The following ZFYVE9 variants were observed in gnomAD, a reference collection of about 807,000 sequenced individuals.
The protein encoded by ZFYVE9 is zinc finger FYVE-type containing 9, also known as zinc finger FYVE domain-containing protein 9.
ZFYVE9 carries 43 observed loss-of-function variants against 126.7 expected under a neutral mutation model. The observed-to-expected ratio is 0.34, with a 90% CI of 0.27 to 0.44. The LOEUF (loss-of-function observed/expected upper bound fraction) is 0.44. Ranked by LOEUF, ZFYVE9 falls within the 20% of genes least tolerant of loss-of-function variation. The pLI is 1.00. For missense variants in ZFYVE9, 1,476 were observed against 1,697.0 expected, an observed-to-expected ratio of 0.87 and a Z score of 2.29; for synonymous variants, 521 against 597.4, an observed-to-expected ratio of 0.87 and a Z score of 1.87.
intron 4 of ZFYVE9, among the ~76,000 whole-genome samples, chr1:52,241,170 G>T (rs1275025351): frequency 6.6e-6 from 1 of 152,048 alleles, no homozygotes; most frequent in Non-Finnish European, 1.5e-5. Context: ...ACATCATGTT[G>T]TATACCTTAA....
intron 7 of ZFYVE9, among the ~76,000 whole-genome samples, chr1:52,272,671 A>ATTTTTTTTTTTTT (rs1645704660): frequency 2.2e-5 from 3 of 134,844 alleles, no homozygotes; most frequent in African/African-American, 1.0e-4. Context: ...GCTAGAAATA[A>ATTTTTTTTTTTTT]TCTTTTTTTT....
At chr1:52,338,061 A>T (rs1274756342) in intron 16 of ZFYVE9, 127 bp downstream of exon 16, 7 of 1,194,704 alleles carry the variant, frequency 5.9e-6, no homozygotes, top group Admixed American at 5.8e-5. Flanking sequence ...ACTGCTTTGT[A>T]TGCTTAACGT....
chr1:52,229,751 G>A (rs886297537), intron 2 of ZFYVE9, among the ~76,000 whole-genome samples: 2 of 152,160 alleles, frequency 1.3e-5, no homozygotes. Context: ...ACACTGATGT[G>A]TATTTATAGA....
intron 8 of ZFYVE9, among the ~76,000 whole-genome samples, chr1:52,275,109 AT>A (rs1195812276): frequency 1.3e-5 from 2 of 152,172 alleles, no homozygotes; most frequent in Non-Finnish European, 2.9e-5. Flanking sequence ...TTTAACTTTT[AT>A]TTTAGATTCA....
chr1:52,148,947 A>AT (rs56300233), intron 1 of ZFYVE9, among the ~76,000 whole-genome samples: 1,038 of 34,282 alleles, frequency 0.03, 233 homozygotes, highest in Non-Finnish European at 0.039. Flanking sequence ...CCTTAACATG[A>AT]TTTTTTTTTT....
chr1:52,324,019 A>G (rs1646266532), intron 13 of ZFYVE9, among the ~76,000 whole-genome samples: 1 of 151,412 alleles, frequency 6.6e-6, no homozygotes, highest in South Asian at 2.1e-4. Flanking sequence ...AGATTGTGCC[A>G]TTGCACTCCA....
chr1:52,341,330 C>T (rs1055804101), intron 17 of ZFYVE9, among the ~76,000 whole-genome samples: 1 of 152,184 alleles, frequency 6.6e-6, no homozygotes, highest in Non-Finnish European at 1.5e-5. Flanking sequence ...TGGCCAACTC[C>T]TAAGCTCTTT....
chr1:52,315,698 TAAC>T (rs1431814362), intron 13 of ZFYVE9, among the ~76,000 whole-genome samples: 4 of 151,936 alleles, frequency 2.6e-5, no homozygotes, highest in Non-Finnish European at 4.4e-5. Context: ...CTGAAAAAGA[TAAC>T]AAGAGATGGG....
chr1:52,214,045 T>C (rs966121206), intron 1 of ZFYVE9, among the ~76,000 whole-genome samples: 7 of 152,144 alleles, frequency 4.6e-5, no homozygotes, highest in Admixed American at 1.3e-4. Flanking sequence ...TCTGGAAGAA[T>C]TGAATAGAGG....
intron 1 of ZFYVE9, among the ~76,000 whole-genome samples, chr1:52,181,699 C>A (rs1572080481): frequency 6.6e-6 from 1 of 151,656 alleles, no homozygotes; most frequent in Admixed American, 6.6e-5. Context: ...CCCGGCCGCC[C>A]ATCGTCTGAG....
chr1:52,244,072 T>C (rs1221336584), intron 4 of ZFYVE9, among the ~76,000 whole-genome samples: 4 of 152,142 alleles, frequency 2.6e-5, no homozygotes, highest in Non-Finnish European at 4.4e-5. Context: ...AAAGGGACCA[T>C]TGGACTTGGC....
At chr1:52,274,184 G>A (rs917895606) in intron 7 of ZFYVE9, among the ~76,000 whole-genome samples, 4 of 152,130 alleles carry the variant, frequency 2.6e-5, no homozygotes, top group African/African-American at 9.7e-5. Flanking sequence ...AGAAACCTGG[G>A]TAAAGGAAGC....
intron 1 of ZFYVE9, among the ~76,000 whole-genome samples, chr1:52,170,242 C>T (rs1386080944): frequency 2.0e-5 from 3 of 152,076 alleles, no homozygotes; most frequent in Admixed American, 6.6e-5. Flanking sequence ...CCCATTTACT[C>T]TTAATTTGCT....
intron 17 of ZFYVE9, 52 bp downstream of exon 17, chr1:52,340,283 C>A: frequency 1.4e-6 from 2 of 1,413,802 alleles, no homozygotes; most frequent in Non-Finnish European, 2.0e-6. Context: ...CAACTTTTTG[C>A]TAGGCCAAGA....
intron 1 of ZFYVE9, among the ~76,000 whole-genome samples, chr1:52,188,834 C>G (rs78272062): frequency 0.017 from 2,532 of 152,160 alleles, 20 homozygotes; most frequent in Non-Finnish European, 0.027. Context: ...CAAAATTCAC[C>G]TGTTCAAAGT....
intron 4 of ZFYVE9, chr1:52,254,165 TA>T (rs1175968692): frequency 1.5e-6 from 1 of 659,248 alleles, no homozygotes; most frequent in Non-Finnish European, 2.6e-6. Context: ...TTTCATGATG[TA>T]TTGTTCAATA....
At chr1:52,272,668 A>G (rs997456085) in intron 7 of ZFYVE9, among the ~76,000 whole-genome samples, 2 of 139,272 alleles carry the variant, frequency 1.4e-5, no homozygotes, top group South Asian at 2.3e-4. Flanking sequence ...GCTGCTAGAA[A>G]TAATCTTTTT....
intron 13 of ZFYVE9, among the ~76,000 whole-genome samples, chr1:52,322,806 TC>T (rs1486757641): frequency 6.6e-6 from 1 of 151,992 alleles, no homozygotes; most frequent in Non-Finnish European, 1.5e-5. Flanking sequence ...CTCTGTGATC[TC>T]TTTTTTTCTT....
At chr1:52,316,281 T>C (rs1569741714) in intron 13 of ZFYVE9, among the ~76,000 whole-genome samples, 1 of 149,500 alleles carries the variant, frequency 6.7e-6, no homozygotes, top group Admixed American at 6.7e-5. Flanking sequence ...AGGTCAGGCG[T>C]GTGAGACCAG....
Sources: gnomAD v4.1 joint callset for allele counts (sites outside exome capture counted in the v4.1 genomes callset) on GRCh38, gnomAD v4.1.1 for gene constraint, MANE v1.5 for transcripts, NCBI Gene and HGNC (gene_info 2026-07-23, HGNC 2026-07-21) for gene names.